Variants in PAG1 observed in about 807,000 individuals in gnomAD.
PAG1 encodes the protein phosphoprotein associated with glycosphingolipid-enriched microdomains 1.
A neutral mutation model predicts 31.7 loss-of-function variants in PAG1; 23 were observed. That is an observed-to-expected ratio of 0.73 (90% CI 0.52 to 1.03). PAG1 has a LOEUF of 1.03. PAG1 is among the 50% of genes least tolerant of loss of function. PAG1 has a pLI of 0.00. For missense variants in PAG1, 473 were observed against 540.7 expected, an observed-to-expected ratio of 0.87 and a Z score of 1.24; for synonymous variants, 214 against 210.3, an observed-to-expected ratio of 1.02 and a Z score of -0.15.
intron 8 of PAG1, among the ~76,000 whole-genome samples, chr8:80,978,101 GC>G (rs950503612): frequency 2.6e-5 from 4 of 152,030 alleles, no homozygotes; most frequent in Non-Finnish European, 4.4e-5. Context: ...CTTAAGACAG[GC>G]CTGCCACATG....
At chr8:81,004,240 A>G (rs1807836168) in intron 3 of PAG1, among the ~76,000 whole-genome samples, 1 of 152,190 alleles carries the variant, frequency 6.6e-6, no homozygotes, top group Admixed American at 6.5e-5. Context: ...AAAATCTTAC[A>G]CAAAAAGCAA....
intron 2 of PAG1, chr8:81,040,612 C>A (rs569818184): frequency 6.6e-6 from 1 of 152,148 alleles, no homozygotes; most frequent in Non-Finnish European, 1.5e-5. Flanking sequence ...TTATCATATA[C>A]GACTGTTCTT....
intron 1 of PAG1, among the ~76,000 whole-genome samples, chr8:81,070,552 C>T (rs1479103855): frequency 6.6e-6 from 1 of 151,952 alleles, no homozygotes; most frequent in African/African-American, 2.4e-5. Flanking sequence ...AGCACTGCAC[C>T]TGCACACCTC....
At position 80,972,498 on chromosome 8, in the gene PAG1, C is replaced by G. The variant is rs1807097882; in HGVS notation, c.*4046G>C. On this transcript the variant is annotated 3_prime_UTR_variant, in exon 9 of 9. Transcript: ENST00000220597. ...CTCATAATTTTAAAAGGGAATGAAA[C>G]AGAATGCCACAGGTGACCGACCTCT... is the stretch of plus-strand genomic sequence containing the variant. The G allele has an allele frequency of 1.3e-5, 2 of 152,108 alleles. 1 individual carries two copies. Among genetic ancestry groups the G allele is most frequent in the Admixed American group, 1.3e-4 (2 of 15,272 alleles). 9.4% of individuals were successfully genotyped at this position (152,108 alleles called of 1,614,324 possible). A position where few individuals can be genotyped will look rare whatever the true frequency, so the allele number is the denominator to read the frequency against.
At chr8:81,003,248 T>G (rs1429731973) in intron 3 of PAG1, among the ~76,000 whole-genome samples, 3 of 152,206 alleles carry the variant, frequency 2.0e-5, no homozygotes, top group East Asian at 3.9e-4. Flanking sequence ...TCTGGGATCT[T>G]GTTACAGATT....
intron 2 of PAG1, among the ~76,000 whole-genome samples, chr8:81,059,215 ATT>A (rs937671738): frequency 6.6e-6 from 1 of 152,066 alleles, no homozygotes; most frequent in African/African-American, 2.4e-5. Flanking sequence ...GATATACTGC[ATT>A]GTTTAGAGAA....
intron 2 of PAG1, among the ~76,000 whole-genome samples, chr8:81,038,685 C>T (rs1395999340): frequency 6.6e-6 from 1 of 152,028 alleles, no homozygotes; most frequent in Non-Finnish European, 1.5e-5. Flanking sequence ...TGAGAGAGAA[C>T]ACACACACAT....
chr8:81,039,156 C>A (rs1438887352), intron 2 of PAG1, among the ~76,000 whole-genome samples: 1 of 152,044 alleles, frequency 6.6e-6, no homozygotes, highest in East Asian at 1.9e-4. Context: ...TGTGTGTGTG[C>A]ATGTGCCTAT....
At chr8:81,068,368 A>G (rs1809041922) in intron 2 of PAG1, among the ~76,000 whole-genome samples, 1 of 152,244 alleles carries the variant, frequency 6.6e-6, no homozygotes, top group Non-Finnish European at 1.5e-5. Flanking sequence ...TGGTGCAGAT[A>G]CTGTCTGAAT....
intron 1 of PAG1, among the ~76,000 whole-genome samples, chr8:81,071,370 C>A (rs1448604560): frequency 6.6e-6 from 1 of 152,208 alleles, no homozygotes; most frequent in Non-Finnish European, 1.5e-5. Flanking sequence ...AGAGTCCACA[C>A]ACAACGAAGA....
chr8:80,976,698 T>C lies in PAG1; in HGVS notation c.1145A>G (p.Glu382Gly), dbSNP rs375771804. 2.5e-6 allele frequency: 4 copies of C among 1,614,190 alleles called. No homozygotes were observed. Among genetic ancestry groups the C allele is most frequent in the Middle Eastern group, 1.6e-4 (1 of 6,062 alleles). The change falls in exon 9 of 9, where the codon GAG becomes GGG. Residue 382 changes from glutamate (E) to glycine (G), a missense_variant. By Grantham distance (98) the Glu-to-Gly change is moderately conservative (BLOSUM62 -2). Transcript: ENST00000220597. ...TLPPAGRPSE[E>G]PEPDYEAIQT... ...TATCGCTTCATAATCAGGCTCTGGC[T>C]CCTCGCTGGGCCTCCCTGCTGGTGG...
chr8:81,089,884 G>A (rs1238497011), intron 1 of PAG1, among the ~76,000 whole-genome samples: 2 of 152,114 alleles, frequency 1.3e-5, no homozygotes, highest in East Asian at 3.9e-4. Context: ...TGTGAAGGAA[G>A]ATGTTGATTG....
chr8:80,977,820 G>A (rs987640756), intron 8 of PAG1, among the ~76,000 whole-genome samples: 10 of 152,146 alleles, frequency 6.6e-5, no homozygotes, highest in African/African-American at 2.4e-5. Context: ...TACTAATTAG[G>A]AGACTTTTGG....
At chr8:81,063,954 ATCTGC>A (rs939405954) in intron 2 of PAG1, among the ~76,000 whole-genome samples, 2 of 152,208 alleles carry the variant, frequency 1.3e-5, no homozygotes, top group African/African-American at 4.8e-5. Context: ...GTCAAGGTTG[ATCTGC>A]TCTAAGGGCA....
intron 3 of PAG1, among the ~76,000 whole-genome samples, chr8:81,006,754 AAG>A (rs1807884583): frequency 6.6e-6 from 1 of 152,176 alleles, no homozygotes; most frequent in African/African-American, 2.4e-5. Flanking sequence ...GTATAATGTG[AAG>A]AGTTTTACAT....
intron 7 of PAG1, among the ~76,000 whole-genome samples, chr8:80,983,219 T>C (rs1314492547): frequency 6.6e-6 from 1 of 152,202 alleles, no homozygotes; most frequent in African/African-American, 2.4e-5. Context: ...CTTCACGTGC[T>C]CTTTCCACAA....
At chr8:81,022,503 T>C (rs1004618443) in intron 3 of PAG1, among the ~76,000 whole-genome samples, 1 of 152,190 alleles carries the variant, frequency 6.6e-6, no homozygotes, top group African/African-American at 2.4e-5. Context: ...TTGGATGTAA[T>C]AGTAGATGTA....
intron 3 of PAG1, among the ~76,000 whole-genome samples, chr8:80,995,802 C>G (rs1807661986): frequency 6.6e-6 from 1 of 152,192 alleles, no homozygotes; most frequent in Non-Finnish European, 1.5e-5. Flanking sequence ...ACATGTTTCT[C>G]TTCTCTCTCT....
intron 3 of PAG1, among the ~76,000 whole-genome samples, chr8:80,997,909 T>C (rs1262423990): frequency 6.6e-6 from 1 of 152,346 alleles, no homozygotes; most frequent in South Asian, 2.1e-4. Flanking sequence ...TTGTATAATT[T>C]CGAACTACTG....
Sources: gnomAD v4.1 joint callset for allele counts (sites outside exome capture counted in the v4.1 genomes callset) on GRCh38, gnomAD v4.1.1 for gene constraint, MANE v1.5 for transcripts, NCBI Gene and HGNC (gene_info 2026-07-23, HGNC 2026-07-21) for gene names.